The following CCDC152 variants were observed in gnomAD, a reference collection of about 807,000 sequenced individuals.
The protein encoded by CCDC152 is coiled-coil domain-containing protein 152.
CCDC152 carries 37 observed loss-of-function variants against 38.1 expected under a neutral mutation model. That is an observed-to-expected ratio of 0.97 (90% CI 0.75 to 1.28). The LOEUF (loss-of-function observed/expected upper bound fraction) is 1.28, where lower values mean the gene tolerates loss of function less well. CCDC152 is among the 50% of genes most tolerant of loss of function. The pLI is 0.00. For missense variants in CCDC152, 259 were observed against 292.1 expected (o/e 0.89, Z 0.83); for synonymous variants, 83 against 87.1 (o/e 0.95, Z 0.26).
chr5:42,790,684 G>A (rs1017155673), intron 6 of CCDC152, among the ~76,000 whole-genome samples: 7 of 152,218 alleles, frequency 4.6e-5, no homozygotes, highest in Admixed American at 3.3e-4. Context: ...AGGAATCTTG[G>A]GTAGGGAAAG....
intron 6 of CCDC152, among the ~76,000 whole-genome samples, chr5:42,785,097 G>A (rs902581938): frequency 7.2e-5 from 11 of 152,004 alleles, no homozygotes; most frequent in African/African-American, 2.4e-4. Context: ...CTCTGTTTTG[G>A]TTCCATATAA....
In CCDC152 at chr5:42,802,143, T is replaced by C. The variant is rs958102657; in HGVS notation, c.*2362T>C. The C allele has an allele frequency of 5.3e-5, 8 of 152,164 alleles. No individual in the cohort carries two copies. The highest frequency in any genetic ancestry group is 1.9e-4 in the African/African-American group (8 of 41,422). The allele number at this position is 152,164 out of a possible 1,614,324, so 9.4% of individuals were successfully genotyped here. A position where few individuals can be genotyped will look rare whatever the true frequency, so the allele number is the denominator to read the frequency against. On this transcript the variant is annotated 3_prime_UTR_variant, in exon 9 of 9. Transcript: ENST00000361970. ...AAGCTTTGCTAATGTCTCCCTACCA[T>C]AAGGCTGTCAGCTGAAAATAGCAAA...
Position 42,783,584 on chromosome 5 carries a change from TA to T in CCDC152, c.430+12del. The T allele has an allele frequency of 7.6e-7, 1 of 1,311,186 alleles. No individual in the cohort carries two copies. The highest frequency in any genetic ancestry group is 9.9e-7 in the Non-Finnish European group (1 of 1,010,768). The allele number at this position is 1,311,186 out of a possible 1,614,324, so 81.2% of individuals were successfully genotyped here. ...AGGACATGCAGAGAAAAGGTAAGTT[TA>T]AAATAAACTTGCTTTTTTGTTATTG... On this transcript the variant is annotated intron_variant, in intron 6 of 8. Coordinates refer to ENST00000361970, the MANE Select transcript of CCDC152 (RefSeq NM_001134848.2).
intron 4 of CCDC152, among the ~76,000 whole-genome samples, chr5:42,778,098 T>G (rs1759791873): frequency 6.6e-6 from 1 of 152,232 alleles, no homozygotes; most frequent in South Asian, 2.1e-4. Context: ...GGGGAAATTG[T>G]AATAGGATGT....
intron 2 of CCDC152, among the ~76,000 whole-genome samples, chr5:42,760,110 C>G (rs1028307913): frequency 4.6e-5 from 7 of 151,988 alleles, no homozygotes; most frequent in Non-Finnish European, 1.0e-4. Flanking sequence ...CGAGACCATT[C>G]TGGCTAACAC....
At chr5:42,790,626 G>C (rs1056007264) in intron 6 of CCDC152, among the ~76,000 whole-genome samples, 2 of 152,182 alleles carry the variant, frequency 1.3e-5, no homozygotes, top group African/African-American at 2.4e-5. Flanking sequence ...TGGGTAAGTT[G>C]TCAGTCTGTA....
intron 5 of CCDC152, among the ~76,000 whole-genome samples, chr5:42,780,928 T>C (rs1170680805): frequency 1.3e-5 from 2 of 152,090 alleles, no homozygotes; most frequent in South Asian, 2.1e-4. Context: ...TGGGGATTAG[T>C]CTCCTTAGAA....
chr5:42,801,152 A>C lies in CCDC152; in HGVS notation c.*1371A>C. On this transcript the variant is annotated 3_prime_UTR_variant, in exon 9 of 9. Coordinates refer to ENST00000361970, the MANE Select transcript of CCDC152 (RefSeq NM_001134848.2). Reference sequence around the variant, plus strand: ...GGTGGTGATGAAGGCCTGGAGGAGCAGGATGAGTAGGAGCATTTGGTGCTC... The same window carrying C: ...GGTGGTGATGAAGGCCTGGAGGAGCCGGATGAGTAGGAGCATTTGGTGCTC... The C allele has an allele frequency of 6.2e-7, 1 of 1,614,188 alleles. No individual in the cohort carries two copies. Among genetic ancestry groups the C allele is most frequent in the South Asian group, 1.1e-5 (1 of 91,078 alleles).
intron 3 of CCDC152, among the ~76,000 whole-genome samples, chr5:42,763,431 C>G (rs1242367705): frequency 6.6e-6 from 1 of 152,184 alleles, no homozygotes; most frequent in Non-Finnish European, 1.5e-5. Flanking sequence ...GCTCCACACT[C>G]ATTAATCGTG....
At chr5:42,773,684 A>G (rs1459549881) in intron 4 of CCDC152, among the ~76,000 whole-genome samples, 1 of 152,216 alleles carries the variant, frequency 6.6e-6, no homozygotes, top group Non-Finnish European at 1.5e-5. Context: ...AGCACAAGCC[A>G]ACAATAAGAA....
At chr5:42,763,329 A>G (rs1161787255) in intron 3 of CCDC152, among the ~76,000 whole-genome samples, 1 of 152,264 alleles carries the variant, frequency 6.6e-6, no homozygotes, top group Non-Finnish European at 1.5e-5. Context: ...GATTTAATAA[A>G]TAAACAATTG....
intron 4 of CCDC152, among the ~76,000 whole-genome samples, chr5:42,777,157 C>T (rs1205735350): frequency 6.6e-6 from 1 of 151,816 alleles, no homozygotes; most frequent in Non-Finnish European, 1.5e-5. Context: ...AAGTCTGTAG[C>T]CAGATGAACT....
At chr5:42,769,748 T>C (rs1759673485) in intron 4 of CCDC152, 83 bp downstream of exon 4, 3 of 1,357,568 alleles carry the variant, frequency 2.2e-6, no homozygotes, top group African/African-American at 3.0e-5. Flanking sequence ...ACATGGTTGA[T>C]AATAAATTTC....
At chr5:42,770,239 G>A (rs886344474) in intron 4 of CCDC152, among the ~76,000 whole-genome samples, 1 of 152,098 alleles carries the variant, frequency 6.6e-6, no homozygotes, top group African/African-American at 2.4e-5. Context: ...AGACTAAATT[G>A]CCTTAAAGGC....
At position 42,800,582 on chromosome 5, in the gene CCDC152, G is replaced by T. The variant is rs1364248455; in HGVS notation, c.*801G>T. The T allele has an allele frequency of 9.5e-7, 1 of 1,052,206 alleles. No individual in the cohort carries two copies. Among genetic ancestry groups the T allele is most frequent in the African/African-American group, 1.6e-5 (1 of 62,934 alleles). The allele number at this position is 1,052,206 out of a possible 1,614,324, so 65.2% of individuals were successfully genotyped here. On this transcript the variant is annotated 3_prime_UTR_variant, in exon 9 of 9. Coordinates refer to ENST00000361970, the MANE Select transcript of CCDC152 (RefSeq NM_001134848.2). ...TCTATGACATAAAATTTAAAATCTGGAAGCCAATTCAGTAGATTTCTCCAT... is the reference window on the plus strand; with the variant it reads ...TCTATGACATAAAATTTAAAATCTGTAAGCCAATTCAGTAGATTTCTCCAT...
intron 5 of CCDC152, 62 bp downstream of exon 5, chr5:42,779,584 G>GAA (rs11427149): frequency 0.01 from 7,751 of 758,844 alleles, no homozygotes; most frequent in East Asian, 0.014. Flanking sequence ...TTCAAATTAG[G>GAA]AAAAAAAAAG....
rs1760161789 is a variant in CCDC152, at chr5:42,800,598, A to G, written c.*817A>G. The G allele has an allele frequency of 3.1e-5, 38 of 1,219,642 alleles. No homozygotes were observed. Among genetic ancestry groups the G allele is most frequent in the Non-Finnish European group, 4.2e-5 (37 of 888,712 alleles). The allele number at this position is 1,219,642 out of a possible 1,614,324, so 75.6% of individuals were successfully genotyped here. A position where few individuals can be genotyped will look rare whatever the true frequency, so the allele number is the denominator to read the frequency against. Reference sequence around the variant, plus strand: ...TAAAATCTGGAAGCCAATTCAGTAGATTTCTCCATGTTTGCACAAATCTAA... The same window carrying G: ...TAAAATCTGGAAGCCAATTCAGTAGGTTTCTCCATGTTTGCACAAATCTAA... On this transcript the variant is annotated 3_prime_UTR_variant, in exon 9 of 9. Coordinates refer to ENST00000361970, the MANE Select transcript of CCDC152 (RefSeq NM_001134848.2).
chr5:42,794,038 G>A (rs947684568), intron 6 of CCDC152, among the ~76,000 whole-genome samples: 10 of 152,196 alleles, frequency 6.6e-5, no homozygotes, highest in Admixed American at 5.2e-4. Flanking sequence ...AGATACACTG[G>A]AGATAGAATT....
chr5:42,798,901 G>A (rs1760118186), intron 7 of CCDC152, among the ~76,000 whole-genome samples: 1 of 152,136 alleles, frequency 6.6e-6, no homozygotes, highest in South Asian at 2.1e-4. Context: ...AAATTCTACT[G>A]TTCAGCCTCA....
Sources: allele counts gnomAD v4.1 joint callset (sites outside exome capture counted in the v4.1 genomes callset), GRCh38; gene constraint gnomAD v4.1.1; transcripts MANE v1.5; gene names NCBI Gene and HGNC (gene_info 2026-07-23, HGNC 2026-07-21).